The following DLGAP2 variants were observed in gnomAD, a reference collection of about 807,000 sequenced individuals.
The protein encoded by DLGAP2 is DLG associated protein 2.
Under a neutral mutation model 100.3 loss-of-function variants are expected in DLGAP2, and 26 were observed. The observed-to-expected ratio is 0.26, with a 90% CI of 0.19 to 0.36. The LOEUF (loss-of-function observed/expected upper bound fraction) is 0.36. Among genes scored for constraint, DLGAP2 ranks in the 10% least tolerant of loss-of-function variants. DLGAP2 has a pLI of 1.00. For synonymous variants in DLGAP2, 886 were observed against 630.1 expected (o/e 1.41, Z -6.08); for missense variants, 1,858 against 1,453.2 (o/e 1.28, Z -4.53).
At chr8:1,164,477 G>C (rs952376832) in intron 2 of DLGAP2, among the ~76,000 whole-genome samples, 1 of 151,058 alleles carries the variant, frequency 6.6e-6, no homozygotes, top group Non-Finnish European at 1.5e-5. Flanking sequence ...ACTGGCTGAC[G>C]TCCTGTTGGG....
chr8:1,204,079 T>C (rs1169061627), intron 2 of DLGAP2, among the ~76,000 whole-genome samples: 1 of 152,260 alleles, frequency 6.6e-6, no homozygotes, highest in Non-Finnish European at 1.5e-5. Context: ...TTCTGACTCA[T>C]GGGTCTGGAG....
chr8:852,647 G>T (rs963401128), intron 1 of DLGAP2, among the ~76,000 whole-genome samples: 2 of 152,204 alleles, frequency 1.3e-5, no homozygotes, highest in South Asian at 2.1e-4. Flanking sequence ...CAGTAGACGG[G>T]ATTTGTACTG....
chr8:973,680 C>T (rs965742083), intron 2 of DLGAP2, among the ~76,000 whole-genome samples: 9 of 152,254 alleles, frequency 5.9e-5, no homozygotes, highest in Non-Finnish European at 1.3e-4. Context: ...TTTCTCAGTT[C>T]CAGCTCCTTT....
intron 3 of DLGAP2, among the ~76,000 whole-genome samples, chr8:1,407,600 C>T (rs1796602780): frequency 1.1e-5 from 1 of 93,276 alleles, no homozygotes; most frequent in Admixed American, 1.0e-4. Context: ...TGAGCGCCAC[C>T]TCCTCATCCT....
At chr8:1,620,610 G>A (rs2956963) in intron 6 of DLGAP2, 33,256 of 152,104 alleles carry the variant, frequency 0.22, 4,527 homozygotes, top group East Asian at 0.48. Flanking sequence ...AAGTCTAGGC[G>A]CCTTGGAATC....
chr8:884,657 T>G (rs113607119), intron 1 of DLGAP2, among the ~76,000 whole-genome samples: 20,249 of 152,254 alleles, frequency 0.13, 1,621 homozygotes, highest in Admixed American at 0.27. Flanking sequence ...TTGCCAATTT[T>G]GGCTTTTATT....
chr8:1,594,675 C>T (rs146816136), intron 6 of DLGAP2, among the ~76,000 whole-genome samples: 102 of 152,288 alleles, frequency 6.7e-4, no homozygotes, highest in African/African-American at 2.3e-3. Flanking sequence ...CTGCCCACCT[C>T]GGCCTCCCAA....
intron 2 of DLGAP2, among the ~76,000 whole-genome samples, chr8:1,042,882 T>TG: frequency 9.2e-6 from 1 of 109,236 alleles, no homozygotes; most frequent in African/African-American, 3.7e-5. Flanking sequence ...GGGTGGTGGG[T>TG]GTGGGTGATG....
intron 3 of DLGAP2, among the ~76,000 whole-genome samples, chr8:1,448,945 A>AGCAAAGTCTGTGTCCTTAGGTCAC (rs1308571897): frequency 2.0e-5 from 3 of 152,208 alleles, no homozygotes; most frequent in African/African-American, 7.2e-5. Context: ...CCTTCAAGGA[A>AGCAAAGTCTGTGTCCTTAGGTCAC]GCAAAGTCTG....
At chr8:1,245,385 C>T (rs939164988) in intron 2 of DLGAP2, among the ~76,000 whole-genome samples, 3 of 152,184 alleles carry the variant, frequency 2.0e-5, no homozygotes, top group Non-Finnish European at 4.4e-5. Flanking sequence ...TGCTGTGGTC[C>T]ATCCATGCAA....
At chr8:1,377,071 A>C (rs548099706) in intron 3 of DLGAP2, among the ~76,000 whole-genome samples, 2 of 152,340 alleles carry the variant, frequency 1.3e-5, no homozygotes, top group East Asian at 3.9e-4. Flanking sequence ...TAGGGCAGTG[A>C]GATGCCTGCC....
At chr8:1,041,006 T>G (rs1563160062) in intron 2 of DLGAP2, among the ~76,000 whole-genome samples, 1 of 152,168 alleles carries the variant, frequency 6.6e-6, no homozygotes, top group Admixed American at 6.5e-5. Flanking sequence ...TACCAAAACC[T>G]CTACTTTCAG....
intron 1 of DLGAP2, among the ~76,000 whole-genome samples, chr8:881,653 C>A: frequency 1.4e-5 from 1 of 71,172 alleles, no homozygotes; most frequent in Non-Finnish European, 3.7e-5. Context: ...GCGCACGCCA[C>A]CACTTGTGGC....
At chr8:1,288,115 TAGG>T (rs1317030002) in intron 3 of DLGAP2, among the ~76,000 whole-genome samples, 16 of 127,672 alleles carry the variant, frequency 1.3e-4, no homozygotes, top group African/African-American at 3.7e-4. Flanking sequence ...GTGGTTCTGT[TAGG>T]AGGGGAACTA....
intron 1 of DLGAP2, among the ~76,000 whole-genome samples, chr8:824,587 C>T (rs1424864938): frequency 6.6e-6 from 1 of 151,946 alleles, no homozygotes; most frequent in African/African-American, 2.4e-5. Flanking sequence ...TTGTCCTGGC[C>T]CCAGTCCTGG....
chr8:1,356,016 G>A (rs1050741389), intron 3 of DLGAP2, among the ~76,000 whole-genome samples: 2 of 152,210 alleles, frequency 1.3e-5, no homozygotes, highest in African/African-American at 4.8e-5. Flanking sequence ...CCCCCTCCCT[G>A]CCTTGCATGA....
intron 3 of DLGAP2, among the ~76,000 whole-genome samples, chr8:1,495,663 G>A (rs1799522914): frequency 6.6e-6 from 1 of 152,170 alleles, no homozygotes; most frequent in Non-Finnish European, 1.5e-5. Flanking sequence ...TGGTTGTGCT[G>A]ACGTGGACAT....
At chr8:1,197,238 T>A (rs12677158) in intron 2 of DLGAP2, among the ~76,000 whole-genome samples, 1 of 53,224 alleles carries the variant, frequency 1.9e-5, no homozygotes, top group Non-Finnish European at 4.0e-5. Flanking sequence ...CTTCTGGAAA[T>A]GCCATCACAG....
intron 2 of DLGAP2, among the ~76,000 whole-genome samples, chr8:1,198,582 A>G (rs1470281139): frequency 1.3e-5 from 2 of 152,128 alleles, no homozygotes; most frequent in Non-Finnish European, 2.9e-5. Flanking sequence ...GGTGGCAGGT[A>G]TGGTTTGCAG....
Sources: allele counts gnomAD v4.1 joint callset (sites outside exome capture counted in the v4.1 genomes callset), GRCh38; gene constraint gnomAD v4.1.1; transcripts MANE v1.5; gene names NCBI Gene and HGNC (gene_info 2026-07-23, HGNC 2026-07-21).